Variants in SPATS2 observed in about 807,000 individuals in gnomAD.
SPATS2 encodes spermatogenesis associated serine rich 2.
In SPATS2, 38 loss-of-function variants were observed where a neutral mutation model predicts 63.7. The ratio of observed to expected loss-of-function variants is 0.60; its 90% CI spans 0.46 to 0.78. The LOEUF is 0.78. SPATS2 is among the 30% of genes least tolerant of loss of function. The pLI, the probability that SPATS2 is intolerant of heterozygous loss-of-function variation, is 0.00. For missense variants in SPATS2, 588 were observed against 666.2 expected, an observed-to-expected ratio of 0.88 and a Z score of 1.29; for synonymous variants, 207 against 232.9, an observed-to-expected ratio of 0.89 and a Z score of 1.01.
At chr12:49,502,447 T>A (rs1946581060) in intron 9 of SPATS2, among the ~76,000 whole-genome samples, 1 of 152,166 alleles carries the variant, frequency 6.6e-6, no homozygotes, top group Admixed American at 6.6e-5. Context: ...ATGTCATGTC[T>A]TCTGTTTTTC....
At chr12:49,520,695 A>T (rs1256677004) in intron 11 of SPATS2, among the ~76,000 whole-genome samples, 1 of 152,044 alleles carries the variant, frequency 6.6e-6, no homozygotes, top group Non-Finnish European at 1.5e-5. Flanking sequence ...TATTTATAAC[A>T]ATTACTTGGG....
chr12:49,367,468 G>T lies in SPATS2; in HGVS notation c.-426G>T. ...GCTGGGGGAGGAGCGCGGCGGCGACGGCGGCGGTGGCTCTAGAAGGGGAGG... is the reference window on the plus strand; with the variant it reads ...GCTGGGGGAGGAGCGCGGCGGCGACTGCGGCGGTGGCTCTAGAAGGGGAGG... On this transcript the variant is annotated 5_prime_UTR_variant, in exon 1 of 14. Transcript: ENST00000552918. The T allele has an allele frequency of 2.5e-6, 1 of 401,060 alleles. No homozygotes were observed. The allele number at this position is 401,060 out of a possible 1,614,324, so 24.8% of individuals were successfully genotyped here.
chr12:49,490,950 C>T (rs1231569062), intron 6 of SPATS2: 9 of 420,846 alleles, frequency 2.1e-5, no homozygotes, highest in South Asian at 1.3e-4. Context: ...AAGACTAGCC[C>T]GGCCAACATG....
chr12:49,497,115 T>A (rs1322564916), intron 8 of SPATS2, 106 bp downstream of exon 8: 29 of 1,169,626 alleles, frequency 2.5e-5, no homozygotes, highest in Non-Finnish European at 3.4e-5. Context: ...AGGGCATCAG[T>A]TAATATTTTT....
At chr12:49,509,392 T>C (rs1565757275) in intron 9 of SPATS2, among the ~76,000 whole-genome samples, 1 of 146,836 alleles carries the variant, frequency 6.8e-6, no homozygotes, top group Non-Finnish European at 1.5e-5. Flanking sequence ...GCGATTCTCC[T>C]GCCTGAGTCT....
intron 3 of SPATS2, among the ~76,000 whole-genome samples, chr12:49,475,348 A>G (rs773167451): frequency 5.5e-4 from 84 of 152,378 alleles, no homozygotes; most frequent in African/African-American, 1.9e-3. Context: ...TCTGACTTAC[A>G]GAATTGAATT....
intron 9 of SPATS2, among the ~76,000 whole-genome samples, chr12:49,503,144 G>C (rs897237393): frequency 6.6e-6 from 1 of 152,078 alleles, no homozygotes; most frequent in Admixed American, 6.6e-5. Flanking sequence ...AAGGTCAAGA[G>C]TTCAAGACCA....
At chr12:49,432,521 C>T (rs917681628) in intron 2 of SPATS2, among the ~76,000 whole-genome samples, 2 of 152,200 alleles carry the variant, frequency 1.3e-5, no homozygotes, top group African/African-American at 4.8e-5. Context: ...TAAGTATATT[C>T]ACATTGTTGT....
At chr12:49,503,269 G>C (rs1946596580) in intron 9 of SPATS2, among the ~76,000 whole-genome samples, 1 of 152,000 alleles carries the variant, frequency 6.6e-6, no homozygotes, top group Admixed American at 6.6e-5. Context: ...AGAATTGCTT[G>C]AACCCAGGAG....
intron 2 of SPATS2, among the ~76,000 whole-genome samples, chr12:49,457,565 C>G (rs545934921): frequency 1.3e-5 from 2 of 152,184 alleles, no homozygotes; most frequent in East Asian, 3.9e-4. Context: ...TCCCGAGTAG[C>G]TGGGATTACA....
intron 9 of SPATS2, among the ~76,000 whole-genome samples, chr12:49,512,387 T>C (rs973780887): frequency 6.6e-6 from 1 of 152,228 alleles, no homozygotes; most frequent in Admixed American, 6.5e-5. Context: ...ATATGTATTT[T>C]AATTTTAATT....
chr12:49,393,539 G>A (rs967505720), intron 2 of SPATS2, among the ~76,000 whole-genome samples: 1 of 152,038 alleles, frequency 6.6e-6, no homozygotes, highest in African/African-American at 2.4e-5. Flanking sequence ...TTCGTATTTA[G>A]AATAATGAAA....
chr12:49,396,585 G>A (rs1159208233), intron 2 of SPATS2, among the ~76,000 whole-genome samples: 1 of 152,114 alleles, frequency 6.6e-6, no homozygotes, highest in Non-Finnish European at 1.5e-5. Context: ...TCAGCTTGGG[G>A]TCCCTCTACC....
chr12:49,506,477 A>G (rs1405925948), intron 9 of SPATS2, among the ~76,000 whole-genome samples: 2 of 152,222 alleles, frequency 1.3e-5, no homozygotes, highest in Admixed American at 1.3e-4. Flanking sequence ...TTTGAGACCT[A>G]CTACCACAAA....
In SPATS2 at chr12:49,511,776, A is replaced by T. The variant is rs1047386407; in HGVS notation, c.840-2779A>T. Among the ~76,000 whole-genome samples the T allele has an allele frequency of 1.5e-4, 23 of 152,346 alleles. No individual in the cohort carries two copies. In the East Asian group the frequency reaches 2.3e-3, roughly 15 times the overall value. ...TGTGTTACAATAGATTATTGTTTTT[A>T]ATTGTAAAAAATGCCTATGTTGTTA... On this transcript the variant is annotated intron_variant, in intron 9 of 13. Coordinates refer to ENST00000552918, the MANE Select transcript of SPATS2 (RefSeq NM_023071.4).
intron 9 of SPATS2, among the ~76,000 whole-genome samples, chr12:49,503,629 AC>A (rs2137969701): frequency 6.7e-6 from 1 of 150,260 alleles, no homozygotes; most frequent in Admixed American, 6.6e-5. Context: ...ATCCTGGGCG[AC>A]AGAGCAAGAC....
chr12:49,452,895 C>T (rs1041122917), intron 2 of SPATS2, among the ~76,000 whole-genome samples: 3 of 151,902 alleles, frequency 2.0e-5, no homozygotes, highest in Non-Finnish European at 2.9e-5. Flanking sequence ...CAGTGGCTCA[C>T]GCTTGTAATC....
chr12:49,513,161 C>T (rs1465157136), intron 9 of SPATS2, among the ~76,000 whole-genome samples: 1 of 151,986 alleles, frequency 6.6e-6, no homozygotes, highest in African/African-American at 2.4e-5. Flanking sequence ...CTACTTTGTG[C>T]TAACATAACT....
chr12:49,510,046 C>G (rs1284726892), intron 9 of SPATS2, among the ~76,000 whole-genome samples: 1 of 151,418 alleles, frequency 6.6e-6, no homozygotes, highest in African/African-American at 2.4e-5. Context: ...CAGTTGAAAC[C>G]AGGAGCTCAA....
Sources: allele counts gnomAD v4.1 joint callset (sites outside exome capture counted in the v4.1 genomes callset), GRCh38; gene constraint gnomAD v4.1.1; transcripts MANE v1.5; gene names NCBI Gene and HGNC (gene_info 2026-07-23, HGNC 2026-07-21).